The following DDX1 variants were observed in gnomAD, a reference collection of about 807,000 sequenced individuals.
The protein encoded by DDX1 is DEAD-box helicase 1.
A neutral mutation model predicts 108.7 loss-of-function variants in DDX1; 28 were observed. The observed-to-expected ratio is 0.26, with a 90% CI of 0.19 to 0.35. DDX1 has a LOEUF of 0.35. Among genes scored for constraint, DDX1 ranks in the 10% least tolerant of loss-of-function variants. The pLI is 1.00. For missense variants in DDX1, 710 were observed against 884.5 expected (o/e 0.80, Z 2.50); for synonymous variants, 295 against 288.9 (o/e 1.02, Z -0.21).
At chr2:15,597,652 A>G in intron 5 of DDX1, among the ~76,000 whole-genome samples, 181 bp downstream of exon 5, 1 of 152,164 alleles carries the variant, frequency 6.6e-6, no homozygotes, top group East Asian at 1.9e-4. Context: ...AAACACTGCA[A>G]GGTTGTCCCT....
chr2:15,613,195 TTA>T (rs1553342083), intron 13 of DDX1, 27 bp from the exon 14 acceptor site: 58 of 1,488,758 alleles, frequency 3.9e-5, no homozygotes, highest in Non-Finnish European at 5.3e-5. Context: ...TTTTTTTTTT[TTA>T]TATTATCATC....
At chr2:15,611,345 T>TCTA (rs1240583273) in intron 13 of DDX1, among the ~76,000 whole-genome samples, 24 of 151,838 alleles carry the variant, frequency 1.6e-4, no homozygotes, top group Non-Finnish European at 3.2e-4. Flanking sequence ...CTCCCCACTT[T>TCTA]CTACTCCACA....
In DDX1 at chr2:15,603,904, T is replaced by A; in HGVS notation, c.552+14T>A. ...AATTATGGAGAGGTAAGCGATTATGTTATGACTTCAACATAGCATAAGTAA... is the reference window on the plus strand; with the variant it reads ...AATTATGGAGAGGTAAGCGATTATGATATGACTTCAACATAGCATAAGTAA... On this transcript the variant is annotated intron_variant, in intron 9 of 25. Coordinates refer to ENST00000233084, the MANE Select transcript of DDX1 (RefSeq NM_004939.3). 2.6e-6 allele frequency: 4 copies of A among 1,561,302 alleles called. No individual in the cohort carries two copies. The highest frequency in any genetic ancestry group is 8.8e-7 in the Non-Finnish European group (1 of 1,135,538).
At chr2:15,629,051 A>G (rs1253377737) in intron 23 of DDX1, among the ~76,000 whole-genome samples, 1 of 152,190 alleles carries the variant, frequency 6.6e-6, no homozygotes. Flanking sequence ...TAATTTTTCC[A>G]ACTAGCTTTA....
At chr2:15,601,303 T>C (rs532195023) in intron 6 of DDX1, among the ~76,000 whole-genome samples, 7 of 152,316 alleles carry the variant, frequency 4.6e-5, no homozygotes, top group Admixed American at 3.9e-4. Flanking sequence ...TTCTTCCAGC[T>C]GAGAACTGTA....
At position 15,593,496 on chromosome 2, in the gene DDX1, G is replaced by A. The variant is rs551789395; in HGVS notation, c.16+1547G>A. Among the ~76,000 whole-genome samples the A allele has an allele frequency of 1.2e-4, 19 of 152,282 alleles. No individual in the cohort carries two copies. The South Asian group carries it at 1.5e-3, about 12-fold the overall frequency. ...GTTAAAAGTATTATACTTAAGGTCC[G>A]CTTTCAAAGAAAACTTGCAGGGAAC... On this transcript the variant is annotated intron_variant, in intron 1 of 25. Transcript: ENST00000233084.
chr2:15,630,255 T>C (rs1666171008), intron 25 of DDX1, 145 bp downstream of exon 25: 2 of 793,470 alleles, frequency 2.5e-6, no homozygotes, highest in Non-Finnish European at 4.0e-6. Context: ...ACCCTCATAG[T>C]ACTTTGTCCA....
chr2:15,629,469 A>G (rs1573053372), intron 23 of DDX1, 133 bp from the exon 24 acceptor site: 2 of 622,424 alleles, frequency 3.2e-6, no homozygotes, highest in Admixed American at 3.9e-5. Flanking sequence ...TGGTAATTGG[A>G]TGATATATCA....
intron 16 of DDX1, 56 bp downstream of exon 16, chr2:15,618,326 G>C (rs893920394): frequency 2.2e-6 from 2 of 897,966 alleles, no homozygotes; most frequent in South Asian, 3.2e-5. Context: ...TATGTATAAT[G>C]TTACGGGATC....
chr2:15,603,247 G>T lies in DDX1; in HGVS notation c.447G>T (p.Trp149Cys), dbSNP rs760665184. 1 of 1,613,524 alleles carries T rather than the reference G, an allele frequency of 6.2e-7. No individual in the cohort carries two copies. The highest frequency in any genetic ancestry group is 8.5e-7 in the Non-Finnish European group (1 of 1,179,606). Residue 149 changes from tryptophan to cysteine, a missense_variant, in exon 8 of 26, where the codon TGG becomes TGT. By Grantham distance (215) the Trp-to-Cys change is radical. Coordinates refer to ENST00000233084, the MANE Select transcript of DDX1 (RefSeq NM_004939.3). The part of the protein sequence containing the change: ...CHDQGLCRVG[W>C]STMQASLDLG... ...ACCAAGGGTTATGCAGGGTCGGGTG[G>T]TCTACCATGCAGGCCTCTTTGGACC...
In DDX1 at chr2:15,606,229, C is replaced by A; in HGVS notation, c.782C>A (p.Ala261Glu). Reference sequence around the variant, plus strand: ...GATGGCTTTGTTGCTCTTTCCAAGGCACCGGATGGTTACATTGTCAAATCA... The same window carrying A: ...GATGGCTTTGTTGCTCTTTCCAAGGAACCGGATGGTTACATTGTCAAATCA... The part of the protein sequence containing the change: ...PKDGFVALSK[A>E]PDGYIVKSQH... The change falls in exon 12 of 26, where the codon GCA (alanine) becomes GAA (glutamate). Residue 261 changes from alanine to glutamate, a missense_variant. Physicochemically the swap from Ala to Glu is moderately radical, Grantham distance 107 (BLOSUM62 -1). This residue lies in a region of DDX1 where 661 missense variants were observed against 810.2 expected (regional missense o/e 0.82). Coordinates refer to ENST00000233084, the MANE Select transcript of DDX1 (RefSeq NM_004939.3). The A allele has an allele frequency of 6.2e-7, 1 of 1,613,952 alleles. No individual in the cohort carries two copies.
Position 15,628,474 on chromosome 2 carries a change from A to C in DDX1, c.1716A>C (p.Thr572=). 1 of 1,613,416 alleles carries C rather than the reference A, an allele frequency of 6.2e-7. No homozygotes were observed. The highest frequency in any genetic ancestry group is 8.5e-7 in the Non-Finnish European group (1 of 1,179,486). ...KKGDVRFLIC[T]DVAARGIDIH... is the part of the protein sequence containing the mutation. ...GAGATGTAAGATTCTTGATTTGCAC[A>C]GATGTAGCTGCTAGAGGAATTGATA... Residue 572 remains threonine, a synonymous_variant, in exon 21 of 26, where the codon ACA becomes ACC. Transcript: ENST00000233084.
At chr2:15,624,383 G>A (rs1040043119) in intron 19 of DDX1, among the ~76,000 whole-genome samples, 2 of 152,166 alleles carry the variant, frequency 1.3e-5, no homozygotes, top group Admixed American at 1.3e-4. Flanking sequence ...GTATTAGTCT[G>A]TTCTTATGCT....
chr2:15,617,404 A>G (rs1665917534), intron 15 of DDX1, 62 bp downstream of exon 15: 2 of 945,974 alleles, frequency 2.1e-6, no homozygotes, highest in Admixed American at 4.4e-5. Context: ...GATAAAATAT[A>G]TAAAATGAAG....
At chr2:15,617,471 T>C (rs1665919787) in intron 15 of DDX1, 129 bp downstream of exon 15, 1 of 429,652 alleles carries the variant, frequency 2.3e-6, no homozygotes, top group Non-Finnish European at 4.0e-6. Context: ...GTTATCAGTT[T>C]GGTATATTTT....
At chr2:15,611,282 C>T (rs62120729) in intron 13 of DDX1, among the ~76,000 whole-genome samples, 1 of 151,346 alleles carries the variant, frequency 6.6e-6, no homozygotes, top group African/African-American at 2.4e-5. Context: ...CCATGTCTAC[C>T]TCCTACTACA....
rs368582130 is a variant in DDX1 at position 15,613,323 on chromosome 2, G to C, written c.1017+39G>C. On this transcript the variant is annotated intron_variant, in intron 14 of 25. Coordinates refer to ENST00000233084, the MANE Select transcript of DDX1 (RefSeq NM_004939.3). ...TTAATTTTTAAAACATAATGTCATGGGCTGTCGTTTTAGCAATACAGCTCT... is the reference window on the plus strand; with the variant it reads ...TTAATTTTTAAAACATAATGTCATGCGCTGTCGTTTTAGCAATACAGCTCT... The C allele has an allele frequency of 2.6e-5, 38 of 1,445,402 alleles. No individual in the cohort carries two copies. In the Admixed American group the frequency reaches 7.6e-4, roughly 29 times the overall value. The allele number at this position is 1,445,402 out of a possible 1,614,324, so 89.5% of individuals were successfully genotyped here. A position where few individuals can be genotyped will look rare whatever the true frequency, so the allele number is the denominator to read the frequency against.
intron 13 of DDX1, among the ~76,000 whole-genome samples, chr2:15,608,522 C>T (rs1207290230): frequency 8.5e-5 from 12 of 140,768 alleles, no homozygotes; most frequent in Non-Finnish European, 1.7e-4. Context: ...AGTAAGACTC[C>T]GTCTCAAAAA....
intron 6 of DDX1, among the ~76,000 whole-genome samples, 177 bp from the exon 7 acceptor site, chr2:15,602,371 G>C (rs1462961467): frequency 6.6e-6 from 1 of 152,128 alleles, no homozygotes; most frequent in African/African-American, 2.4e-5. Flanking sequence ...AATTACACTT[G>C]GGAAATACTA....
Sources: allele counts gnomAD v4.1 joint callset (sites outside exome capture counted in the v4.1 genomes callset), GRCh38; gene constraint gnomAD v4.1.1; regional missense constraint gnomAD v4.1.1; transcripts MANE v1.5; gene names NCBI Gene and HGNC (gene_info 2026-07-23, HGNC 2026-07-21).